The following MPP7 variants were observed in gnomAD, a reference collection of about 807,000 sequenced individuals.
The protein encoded by MPP7 is MAGUK p55 scaffold protein 7.
In MPP7, 60 loss-of-function variants were observed where a neutral mutation model predicts 76.5. The ratio of observed to expected loss-of-function variants is 0.78; its 90% CI spans 0.64 to 0.97. The LOEUF is 0.97. MPP7 is among the 50% of genes least tolerant of loss of function. The pLI is 0.00. For missense variants in MPP7, 641 were observed against 694.0 expected, an observed-to-expected ratio of 0.92 and a Z score of 0.86; for synonymous variants, 237 against 244.5, an observed-to-expected ratio of 0.97 and a Z score of 0.29.
intron 3 of MPP7, among the ~76,000 whole-genome samples, chr10:28,192,882 AGGTAATCAAGGCAGCAT>A (rs1412796714): frequency 6.6e-6 from 1 of 152,250 alleles, no homozygotes; most frequent in East Asian, 1.9e-4. Flanking sequence ...TATAAAGCTA[AGGTAATCAAGGCAGCAT>A]GTGTTGATGA....
At chr10:28,314,615 G>C (rs931440481) in intron 2 of MPP7, among the ~76,000 whole-genome samples, 1 of 152,178 alleles carries the variant, frequency 6.6e-6, no homozygotes, top group Non-Finnish European at 1.5e-5. Context: ...AGTAAGATTG[G>C]AACACTGAAT....
Position 28,122,952 on chromosome 10 carries a change from T to C in MPP7, c.615+1079A>G, listed in dbSNP as rs796173306. 3.6e-4 allele frequency among the ~76,000 whole-genome samples: 55 copies of C among 151,308 alleles called. 1 individual carries two copies. The highest frequency in any genetic ancestry group is 1.3e-3 in the African/African-American group (54 of 40,752). On this transcript the variant is annotated intron_variant, in intron 8 of 16. Transcript: ENST00000683449. ...ATTATAGAAATTGTATATTACCTTT[T>C]ATTGTGCAATTTTTGTTTTTTTTGC... is the stretch of plus-strand genomic sequence containing the variant.
intron 1 of MPP7, among the ~76,000 whole-genome samples, chr10:28,270,338 GC>G (rs755864398): frequency 6.6e-6 from 1 of 151,994 alleles, no homozygotes; most frequent in Non-Finnish European, 1.5e-5. Context: ...ATACACAGCA[GC>G]CCAGCAGTTC....
In MPP7 at chr10:28,094,304, A is replaced by AT. The variant is rs542763518; in HGVS notation, c.953-4464_953-4463insA. The stretch of plus-strand genomic sequence containing the variant: ...AAAGGAGCAAAGGCAGTGAGGTCGC[A>AT]ACAGGGGTTCCATGGGAGCAGCTGG... On this transcript the variant is annotated intron_variant, in intron 11 of 16. Coordinates refer to ENST00000683449, the MANE Select transcript of MPP7 (RefSeq NM_001318170.2). Among the ~76,000 whole-genome samples the AT allele has an allele frequency of 3.7e-3, 568 of 152,280 alleles. 2 individuals are homozygous for AT. Among genetic ancestry groups the AT allele is most frequent in the African/African-American group, 0.013 (532 of 41,546 alleles).
chr10:28,184,475 G>A lies in MPP7; in HGVS notation c.156+17678C>T, dbSNP rs776179946. Among the ~76,000 whole-genome samples, 19 of 149,268 alleles carry A rather than the reference G, an allele frequency of 1.3e-4. No individual in the cohort carries two copies. In the Middle Eastern group the frequency reaches 0.014, roughly 111 times the overall value. Reference sequence around the variant, plus strand: ...TGTAATTCCAGCACTTTGAGAGGCCGAGGTGGGCAGATCACTTGAGGTCAG... The same window carrying A: ...TGTAATTCCAGCACTTTGAGAGGCCAAGGTGGGCAGATCACTTGAGGTCAG... On this transcript the variant is annotated intron_variant, in intron 3 of 16. Transcript: ENST00000683449.
intron 1 of MPP7, among the ~76,000 whole-genome samples, chr10:28,263,058 AAAAAT>A (rs1167822330): frequency 6.6e-6 from 1 of 152,244 alleles, no homozygotes; most frequent in Non-Finnish European, 1.5e-5. Flanking sequence ...TCCGTTTCAA[AAAAAT>A]AAAATAAAAT....
chr10:28,141,122 TAAC>T (rs1835503014), intron 5 of MPP7, among the ~76,000 whole-genome samples: 1 of 152,086 alleles, frequency 6.6e-6, no homozygotes, highest in African/African-American at 2.4e-5. Context: ...TTATTTATGC[TAAC>T]AACTAAAAAA....
chr10:28,115,197 G>C (rs1294503123), intron 11 of MPP7, among the ~76,000 whole-genome samples: 2 of 152,072 alleles, frequency 1.3e-5, no homozygotes, highest in African/African-American at 4.8e-5. Flanking sequence ...CTGCCTCCCA[G>C]GTTCAAGCGA....
intron 11 of MPP7, among the ~76,000 whole-genome samples, chr10:28,090,845 T>C (rs1006840648): frequency 6.6e-6 from 1 of 152,166 alleles, no homozygotes; most frequent in Non-Finnish European, 1.5e-5. Context: ...GTGACACATA[T>C]GAAATTAAGA....
intron 1 of MPP7, among the ~76,000 whole-genome samples, chr10:28,294,078 C>T (rs950649408): frequency 6.6e-6 from 1 of 152,124 alleles, no homozygotes; most frequent in African/African-American, 2.4e-5. Flanking sequence ...GAGGCCGAGG[C>T]GGGCGGATCA....
chr10:28,068,906 C>A (rs1180242350), intron 13 of MPP7, among the ~76,000 whole-genome samples: 1 of 152,104 alleles, frequency 6.6e-6, no homozygotes, highest in South Asian at 2.1e-4. Flanking sequence ...AGTAGGGAAG[C>A]TGTGATTAAC....
At position 28,177,260 on chromosome 10, in the gene MPP7, C is replaced by CA. The variant is rs57984876; in HGVS notation, c.156+24892dup. 8.2e-3 allele frequency among the ~76,000 whole-genome samples: 853 copies of CA among 104,122 alleles called. 9 individuals carry two copies. Among genetic ancestry groups the CA allele is most frequent in the African/African-American group, 0.018 (486 of 26,466 alleles). The allele number at this position is 104,122 out of a possible 152,430, so 68.3% of individuals were successfully genotyped here. ...TGAAACCCCAACTCTACTAAAAATG[C>CA]AAAAAAAAAAAAAAAAAAAAAAAAT... On this transcript the variant is annotated intron_variant, in intron 3 of 16. Coordinates refer to ENST00000683449, the MANE Select transcript of MPP7 (RefSeq NM_001318170.2).
chr10:28,090,431 CTAT>C (rs1853242312), intron 11 of MPP7, among the ~76,000 whole-genome samples: 1 of 151,958 alleles, frequency 6.6e-6, no homozygotes, highest in South Asian at 2.1e-4. Flanking sequence ...AGTAAAATAA[CTAT>C]AATAAAGCAA....
At chr10:28,067,961 T>C (rs1042171114) in intron 13 of MPP7, among the ~76,000 whole-genome samples, 16 of 152,136 alleles carry the variant, frequency 1.1e-4, no homozygotes, top group African/African-American at 3.4e-4. Context: ...CTCTGTGAAA[T>C]AGAGATAATA....
intron 3 of MPP7, among the ~76,000 whole-genome samples, chr10:28,189,518 C>A (rs1271261065): frequency 1.5e-5 from 2 of 130,128 alleles, no homozygotes; most frequent in African/African-American, 6.0e-5. Context: ...CTGCAATGAG[C>A]CAAGATAACA....
intron 6 of MPP7, among the ~76,000 whole-genome samples, chr10:28,127,965 G>A (rs907007803): frequency 2.0e-5 from 3 of 152,348 alleles, no homozygotes; most frequent in African/African-American, 7.2e-5. Context: ...GGGGAAGGCT[G>A]TGAATAAAAT....
chr10:28,199,699 C>T lies in MPP7; in HGVS notation c.156+2454G>A, dbSNP rs558331036. Among the ~76,000 whole-genome samples, 9 of 152,068 alleles carry T rather than the reference C, an allele frequency of 5.9e-5. No homozygotes were observed. In the East Asian group the frequency reaches 9.7e-4, roughly 16 times the overall value. Reference sequence around the variant, plus strand: ...TCAGCTCACTGCAGCCTTGACCTCCCGGGCTCATGCAATCCTCCCACATCA... The same window carrying T: ...TCAGCTCACTGCAGCCTTGACCTCCTGGGCTCATGCAATCCTCCCACATCA... On this transcript the variant is annotated intron_variant, in intron 3 of 16. Transcript: ENST00000683449.
intron 11 of MPP7, among the ~76,000 whole-genome samples, chr10:28,100,121 TAA>T (rs10552894): frequency 0.25 from 35,210 of 139,856 alleles, 5,858 homozygotes; most frequent in East Asian, 0.76. Flanking sequence ...TTAAGAAGAT[TAA>T]AAAAAAAAAA....
intron 3 of MPP7, among the ~76,000 whole-genome samples, chr10:28,175,228 T>G (rs1836818228): frequency 6.6e-6 from 1 of 150,954 alleles, no homozygotes; most frequent in Non-Finnish European, 1.5e-5. Context: ...GGGCAGAGGG[T>G]GCAGTGAGCT....
Sources: gnomAD v4.1 joint callset for allele counts (sites outside exome capture counted in the v4.1 genomes callset) on GRCh38, gnomAD v4.1.1 for gene constraint, MANE v1.5 for transcripts, NCBI Gene and HGNC (gene_info 2026-07-23, HGNC 2026-07-21) for gene names.